CYP2C18: variants seen among roughly 807,000 people sequenced by gnomAD.
The protein encoded by CYP2C18 is cytochrome P450 2C18.
In CYP2C18, 38 loss-of-function variants were observed where a neutral mutation model predicts 41.3. The ratio of observed to expected loss-of-function variants is 0.92; its 90% confidence interval spans 0.71 to 1.21. The LOEUF (loss-of-function observed/expected upper bound fraction) is 1.21. CYP2C18 is among the 50% of genes most tolerant of loss of function. CYP2C18 has a pLI of 0.00. For synonymous variants in CYP2C18, 236 were observed against 210.0 expected, an observed-to-expected ratio of 1.12 and a Z score of -1.07; for missense variants, 635 against 591.4, an observed-to-expected ratio of 1.07 and a Z score of -0.77.
At chr10:94,684,383 C>G (rs1184551221) in intron 1 of CYP2C18, among the ~76,000 whole-genome samples, 1 of 152,158 alleles carries the variant, frequency 6.6e-6, no homozygotes, top group Non-Finnish European at 1.5e-5. Flanking sequence ...CTGGTAGCCA[C>G]CATTCTAATC....
intron 2 of CYP2C18, 40 bp downstream of exon 2, chr10:94,687,972 G>A (rs1235239457): frequency 1.2e-6 from 2 of 1,606,110 alleles, no homozygotes; most frequent in South Asian, 2.2e-5. Context: ...ACATGTGTAT[G>A]TACTGGGCAG....
chr10:94,729,205 G>A (rs1057044815), intron 7 of CYP2C18, among the ~76,000 whole-genome samples: 9 of 152,158 alleles, frequency 5.9e-5, no homozygotes, highest in African/African-American at 2.2e-4. Context: ...GTGAGGAGCT[G>A]AGAAAATATA....
intron 4 of CYP2C18, among the ~76,000 whole-genome samples, chr10:94,698,046 C>T (rs532558896): frequency 6.6e-6 from 1 of 152,162 alleles, no homozygotes; most frequent in South Asian, 2.1e-4. Flanking sequence ...ACTTTAACAC[C>T]CCACTGTCAA....
intron 4 of CYP2C18, among the ~76,000 whole-genome samples, chr10:94,698,492 G>A (rs1847166885): frequency 6.6e-6 from 1 of 152,166 alleles, no homozygotes; most frequent in African/African-American, 2.4e-5. Flanking sequence ...TGTGTAGAGG[G>A]AAATGTATAG....
chr10:94,698,021 C>A (rs2134183259), intron 4 of CYP2C18, among the ~76,000 whole-genome samples: 1 of 152,222 alleles, frequency 6.6e-6, no homozygotes, highest in South Asian at 2.1e-4. Flanking sequence ...GACTCCCACA[C>A]AATAATAATG....
chr10:94,711,829 T>C (rs1847440554), intron 5 of CYP2C18, among the ~76,000 whole-genome samples: 1 of 151,982 alleles, frequency 6.6e-6, no homozygotes, highest in African/African-American at 2.4e-5. Flanking sequence ...GAACACTTTT[T>C]TTTTTCTGAA....
At position 94,692,613 on chromosome 10, in the gene CYP2C18, C is replaced by T. The variant is rs370637931; in HGVS notation, c.482-2304C>T. On this transcript the variant is annotated intron_variant, in intron 3 of 8. Transcript: ENST00000285979. The stretch of plus-strand genomic sequence containing the variant: ...TTAACCATTGTGGAAGTCAGTGTGG[C>T]GATTCCTCAGGGATCTAGAACTAGA... Among the ~76,000 whole-genome samples, 8 of 152,204 alleles carry T rather than the reference C, an allele frequency of 5.3e-5. No individual in the cohort carries two copies. The East Asian group carries it at 9.7e-4, about 18-fold the overall frequency.
intron 5 of CYP2C18, among the ~76,000 whole-genome samples, chr10:94,709,715 A>T (rs1465909989): frequency 2.6e-5 from 4 of 152,174 alleles, no homozygotes; most frequent in African/African-American, 9.7e-5. Context: ...TTTTCTTCAA[A>T]TGGTTTTATA....
intron 4 of CYP2C18, among the ~76,000 whole-genome samples, chr10:94,702,452 A>C (rs1303006524): frequency 6.6e-6 from 1 of 151,656 alleles, no homozygotes; most frequent in African/African-American, 2.4e-5. Flanking sequence ...TTTTTTCTCT[A>C]ATCTTGTATT....
Position 94,735,959 on chromosome 10 carries a change from G to A in CYP2C18, c.*515G>A, listed in dbSNP as rs1343835148. The A allele has an allele frequency of 6.5e-6, 1 of 153,026 alleles. No homozygotes were observed. The highest frequency in any genetic ancestry group is 2.4e-5 in the African/African-American group (1 of 41,416). 9.5% of individuals were successfully genotyped at this position (153,026 alleles called of 1,614,324 possible). On this transcript the variant is annotated 3_prime_UTR_variant, in exon 9 of 9. Transcript: ENST00000285979. ...GGTAGGAAAGCTGTTTTAGCTAAAT[G>A]CCACCTAGAGTTATTGGAGGTCTGA... is the stretch of plus-strand genomic sequence containing the variant.
chr10:94,718,477 T>C (rs573995311), intron 5 of CYP2C18, among the ~76,000 whole-genome samples: 29 of 152,308 alleles, frequency 1.9e-4, no homozygotes, highest in African/African-American at 6.7e-4. Context: ...TCTCATACTA[T>C]GTTGAATTGA....
intron 6 of CYP2C18, among the ~76,000 whole-genome samples, chr10:94,722,394 C>T (rs1194470600): frequency 1.3e-5 from 2 of 151,884 alleles, no homozygotes; most frequent in Non-Finnish European, 2.9e-5. Context: ...TTTCTGGGGT[C>T]AGAATCACAC....
In CYP2C18 at chr10:94,694,939, C is replaced by T; in HGVS notation, c.504C>T (p.Phe168=). 1 of 1,612,502 alleles carries T rather than the reference C, an allele frequency of 6.2e-7. No individual in the cohort carries two copies. The highest frequency in any genetic ancestry group is 8.5e-7 in the Non-Finnish European group (1 of 1,179,728). Residue 168 remains phenylalanine, a synonymous_variant, in exon 4 of 9, where the codon TTC becomes TTT. Transcript: ENST00000285979. The part of the protein sequence containing the change: ...KTNASPCDPT[F]ILGCAPCNVI... ...TAGCCTCACCCTGTGATCCCACTTTCATCCTGGGCTGTGCTCCCTGCAATG... is the reference window on the plus strand; with the variant it reads ...TAGCCTCACCCTGTGATCCCACTTTTATCCTGGGCTGTGCTCCCTGCAATG...
intron 4 of CYP2C18, among the ~76,000 whole-genome samples, chr10:94,706,195 G>A (rs1847340008): frequency 6.6e-6 from 1 of 152,026 alleles, no homozygotes; most frequent in South Asian, 2.1e-4. Context: ...TGCTGAGCTA[G>A]CATGTCCTGA....
intron 8 of CYP2C18, 42 bp downstream of exon 8, chr10:94,733,480 T>G: frequency 6.2e-7 from 1 of 1,608,276 alleles, no homozygotes; most frequent in Non-Finnish European, 8.5e-7. Flanking sequence ...GGGCACATGA[T>G]ACCTTTTTGG....
At chr10:94,714,475 A>G (rs958921398) in intron 5 of CYP2C18, among the ~76,000 whole-genome samples, 2 of 152,190 alleles carry the variant, frequency 1.3e-5, no homozygotes, top group East Asian at 3.8e-4. Context: ...TTTGTCAAAG[A>G]TCAGATGGTT....
Position 94,720,555 on chromosome 10 carries a change from G to A in CYP2C18, c.961+18G>A. ...GGTCACAGGTATGATGATACCATAG[G>A]TGAGCAGGGTGATTTTCAGAAAAGA... is the stretch of plus-strand genomic sequence containing the variant. On this transcript the variant is annotated intron_variant, in intron 6 of 8. Coordinates refer to ENST00000285979, the MANE Select transcript of CYP2C18 (RefSeq NM_000772.3). 1.2e-6 allele frequency: 2 copies of A among 1,603,848 alleles called. No homozygotes were observed. The highest frequency in any genetic ancestry group is 8.5e-7 in the Non-Finnish European group (1 of 1,175,816).
intron 5 of CYP2C18, among the ~76,000 whole-genome samples, chr10:94,710,502 A>G (rs1847416581): frequency 6.6e-6 from 1 of 152,238 alleles, no homozygotes; most frequent in African/African-American, 2.4e-5. Flanking sequence ...AAGTCTTCCA[A>G]TAGATGAACA....
At chr10:94,702,070 CT>C (rs1847256342) in intron 4 of CYP2C18, among the ~76,000 whole-genome samples, 1 of 152,202 alleles carries the variant, frequency 6.6e-6, no homozygotes, top group Non-Finnish European at 1.5e-5. Flanking sequence ...CCCCCACTCT[CT>C]TCTGGCTTGT....
Sources: allele counts gnomAD v4.1 joint callset (sites outside exome capture counted in the v4.1 genomes callset), GRCh38; gene constraint gnomAD v4.1.1; transcripts MANE v1.5; gene names NCBI Gene and HGNC (gene_info 2026-07-23, HGNC 2026-07-21).